The following GSAP variants were observed in gnomAD, a reference collection of about 807,000 sequenced individuals.
GSAP encodes the protein gamma-secretase-activating protein.
Under a neutral mutation model 131.7 loss-of-function variants are expected in GSAP, and 118 were observed. That is an observed-to-expected ratio of 0.90 (90% CI 0.77 to 1.04). The LOEUF (loss-of-function observed/expected upper bound fraction) is 1.04. Ranked by LOEUF, GSAP falls within the 50% of genes least tolerant of loss-of-function variation. GSAP has a pLI of 0.00. For missense variants in GSAP, 1,019 were observed against 1,013.2 expected, an observed-to-expected ratio of 1.01 and a Z score of -0.08; for synonymous variants, 381 against 363.4, an observed-to-expected ratio of 1.05 and a Z score of -0.55.
At chr7:77,392,050 C>A (rs776884654) in intron 5 of GSAP, among the ~76,000 whole-genome samples, 1 of 151,922 alleles carries the variant, frequency 6.6e-6, no homozygotes, top group Non-Finnish European at 1.5e-5. Context: ...CACGGGGAAA[C>A]CCCGTCTCTA....
intron 18 of GSAP, among the ~76,000 whole-genome samples, chr7:77,352,681 G>A (rs1291300069): frequency 3.9e-5 from 6 of 152,104 alleles, no homozygotes; most frequent in Non-Finnish European, 8.8e-5. Context: ...CCATGATAGA[G>A]GTTTAGTTCT....
chr7:77,400,204 G>A (rs1289315803), intron 3 of GSAP, among the ~76,000 whole-genome samples: 1 of 152,012 alleles, frequency 6.6e-6, no homozygotes, highest in African/African-American at 2.4e-5. Context: ...GACCAAGTAG[G>A]AAATCAGGAC....
At chr7:77,415,241 T>C (rs1804140651) in intron 1 of GSAP, among the ~76,000 whole-genome samples, 1 of 152,148 alleles carries the variant, frequency 6.6e-6, no homozygotes, top group Non-Finnish European at 1.5e-5. Flanking sequence ...GATATATAAC[T>C]CACATCAAGA....
rs1200011357 is a variant in GSAP, at chr7:77,351,091, C to A, written c.1492-1687G>T. On this transcript the variant is annotated intron_variant, in intron 18 of 30. Coordinates refer to ENST00000257626, the MANE Select transcript of GSAP (RefSeq NM_017439.4). ...CGAGATTTTACTGATATAGAATATTCCTGTAAAAAAGGGTATCATGGGGAC... is the reference window on the plus strand; with the variant it reads ...CGAGATTTTACTGATATAGAATATTACTGTAAAAAAGGGTATCATGGGGAC... 20 of 964,978 alleles carry A rather than the reference C, an allele frequency of 2.1e-5. No homozygotes were observed. The East Asian group carries it at 2.1e-3, about 99-fold the overall frequency. 59.8% of individuals were successfully genotyped at this position (964,978 alleles called of 1,614,324 possible). A position where few individuals can be genotyped will look rare whatever the true frequency, so the allele number is the denominator to read the frequency against.
chr7:77,382,681 T>C (rs879194853), intron 6 of GSAP, 38 bp from the exon 7 acceptor site: 1 of 1,123,478 alleles, frequency 8.9e-7, no homozygotes, highest in Non-Finnish European at 1.4e-6. Context: ...TAAGCAACTA[T>C]CTTGCTTGAA....
rs760304035 is a variant in GSAP, at chr7:77,349,393, T to C, written c.1503A>G (p.Gly501=). 3 of 1,612,644 alleles carry C rather than the reference T, an allele frequency of 1.9e-6. No homozygotes were observed. Among genetic ancestry groups the C allele is most frequent in the Non-Finnish European group, 2.5e-6 (3 of 1,179,150 alleles). ...CAATGTCTTCTGTCACAAGAGTTAT[T>C]CCAGGAATTTCCTATAGTGGGGAAA... ...SVLTWNTEIP[G]ITLVTEDIAL... is the part of the protein sequence containing the mutation. Residue 501 remains glycine (G), a synonymous_variant, in exon 19 of 31, where the codon GGA becomes GGG. Transcript: ENST00000257626.
chr7:77,350,737 C>T (rs959172013), intron 18 of GSAP, among the ~76,000 whole-genome samples: 23 of 151,964 alleles, frequency 1.5e-4, no homozygotes, highest in Non-Finnish European at 2.5e-4. Flanking sequence ...AGCAAGACTC[C>T]GTCTCCAAAG....
chr7:77,386,086 C>G (rs1408580563), intron 6 of GSAP, among the ~76,000 whole-genome samples: 1 of 152,092 alleles, frequency 6.6e-6, no homozygotes, highest in East Asian at 1.9e-4. Flanking sequence ...GATCATAATC[C>G]TGAAAGACAC....
intron 22 of GSAP, chr7:77,328,105 T>G: frequency 1.8e-6 from 1 of 567,060 alleles, no homozygotes; most frequent in Non-Finnish European, 2.2e-6. Context: ...TGCTGGAATA[T>G]AAGTCCAGCT....
intron 3 of GSAP, among the ~76,000 whole-genome samples, chr7:77,403,014 T>C (rs987964720): frequency 6.6e-6 from 1 of 152,060 alleles, no homozygotes; most frequent in African/African-American, 2.4e-5. Context: ...ATAAAACACA[T>C]TGGTATGCAA....
chr7:77,397,443 T>C, intron 3 of GSAP, 28 bp from the exon 4 acceptor site: 2 of 1,224,914 alleles, frequency 1.6e-6, no homozygotes, highest in Non-Finnish European at 2.4e-6. Flanking sequence ...TTTTTTAATT[T>C]GAAGTTTCAT....
rs193205180 is a variant in GSAP, at chr7:77,381,340, G to T, written c.541C>A (p.Arg181Ser). 1.3e-6 allele frequency: 2 copies of T among 1,536,778 alleles called. No individual in the cohort carries two copies. The highest frequency in any genetic ancestry group is 2.8e-5 in the African/African-American group (2 of 71,882). The change falls in exon 8 of 31, where the codon CGT becomes AGT. Residue 181 changes from arginine to serine, a missense_variant. Physicochemically the swap from Arg to Ser is moderately radical, Grantham distance 110 (BLOSUM62 -1). Transcript: ENST00000257626. ...ISEEKYIEQF[R>S]IHVAQEDGNR... ...CCATCTTCTTGGGCGACATGGATAC[G>T]AAATTGTTCAATATCTTTAAAAGAA...
At chr7:77,386,627 G>T (rs1798606556) in intron 6 of GSAP, among the ~76,000 whole-genome samples, 1 of 152,130 alleles carries the variant, frequency 6.6e-6, no homozygotes, top group Admixed American at 6.5e-5. Context: ...CAGCCTTCTT[G>T]CACTTAGGAA....
intron 12 of GSAP, among the ~76,000 whole-genome samples, chr7:77,371,379 T>C (rs1197675949): frequency 1.3e-5 from 2 of 151,888 alleles, no homozygotes; most frequent in African/African-American, 4.8e-5. Flanking sequence ...ACTTAACTGC[T>C]CATCTTCCCA....
At chr7:77,341,522 T>A (rs1188822193) in intron 19 of GSAP, among the ~76,000 whole-genome samples, 1 of 152,186 alleles carries the variant, frequency 6.6e-6, no homozygotes, top group African/African-American at 2.4e-5. Context: ...AAAGGCACAG[T>A]CAAGGTTAAT....
Position 77,377,277 on chromosome 7 carries a change from T to C in GSAP, c.681+9A>G. ...AAAAAAAGGAGTGCCCGTGAACTAG[T>C]TTTTTTACCTTCAGGTCAATGTAAT... On this transcript the variant is annotated intron_variant, in intron 9 of 30. Coordinates refer to ENST00000257626, the MANE Select transcript of GSAP (RefSeq NM_017439.4). The C allele has an allele frequency of 7.2e-7, 1 of 1,394,600 alleles. No individual in the cohort carries two copies. Among genetic ancestry groups the C allele is most frequent in the Non-Finnish European group, 9.4e-7 (1 of 1,065,452 alleles). The allele number at this position is 1,394,600 out of a possible 1,614,324, so 86.4% of individuals were successfully genotyped here. A position where few individuals can be genotyped will look rare whatever the true frequency, so the allele number is the denominator to read the frequency against.
chr7:77,370,580 C>T (rs1429081953), intron 12 of GSAP, among the ~76,000 whole-genome samples: 1 of 152,204 alleles, frequency 6.6e-6, no homozygotes. Flanking sequence ...CAGTTATCCT[C>T]TCTGCTATGT....
At position 77,410,790 on chromosome 7, in the gene GSAP, A is replaced by T. The variant is rs574721272; in HGVS notation, c.110-4685T>A. The stretch of plus-strand genomic sequence containing the variant: ...TAAAGTATTTGTCTTTCCAATGACC[A>T]TATTTAAGGAGAAAAACGTCATTCA... On this transcript the variant is annotated intron_variant, in intron 1 of 30. Coordinates refer to ENST00000257626, the MANE Select transcript of GSAP (RefSeq NM_017439.4). 8.5e-5 allele frequency among the ~76,000 whole-genome samples: 13 copies of T among 152,332 alleles called. No homozygotes were observed. In the South Asian group the frequency reaches 2.7e-3, roughly 32 times the overall value.
chr7:77,390,029 G>A (rs1350641036), intron 5 of GSAP, among the ~76,000 whole-genome samples: 2 of 152,158 alleles, frequency 1.3e-5, no homozygotes, highest in East Asian at 3.9e-4. Flanking sequence ...TGTCTCTGAT[G>A]GCCAGTGATC....
Sources: gnomAD v4.1 joint callset for allele counts (sites outside exome capture counted in the v4.1 genomes callset) on GRCh38, gnomAD v4.1.1 for gene constraint, MANE v1.5 for transcripts, NCBI Gene and HGNC (gene_info 2026-07-23, HGNC 2026-07-21) for gene names.